WDPCP: variants seen among roughly 807,000 people sequenced by gnomAD.
WDPCP encodes WD repeat containing planar cell polarity effector.
WDPCP carries 71 observed loss-of-function variants against 93.1 expected under a neutral mutation model. The ratio of observed to expected loss-of-function variants is 0.76; its 90% confidence interval spans 0.63 to 0.93. WDPCP has a LOEUF of 0.93. Among genes scored for constraint, WDPCP ranks in the 40% least tolerant of loss-of-function variants. The pLI, the probability that WDPCP is intolerant of heterozygous loss-of-function variation, is 0.00. For missense variants in WDPCP, 844 were observed against 887.4 expected (o/e 0.95, Z 0.62); for synonymous variants, 315 against 315.0 (o/e 1.00, Z 0.00).
intron 3 of WDPCP, among the ~76,000 whole-genome samples, chr2:63,615,781 C>G (rs1212518930): frequency 6.6e-6 from 1 of 152,282 alleles, no homozygotes; most frequent in South Asian, 2.1e-4. Context: ...CAGCCACAAC[C>G]CTTAGGATTA....
chr2:63,318,635 C>G (rs1686840759), intron 12 of WDPCP, among the ~76,000 whole-genome samples: 1 of 151,972 alleles, frequency 6.6e-6, no homozygotes, highest in Admixed American at 6.6e-5. Context: ...GAGTTGGTGG[C>G]CACTATCCTA....
chr2:63,522,297 C>T (rs964774692), intron 1 of WDPCP, among the ~76,000 whole-genome samples: 3 of 151,404 alleles, frequency 2.0e-5, no homozygotes, highest in African/African-American at 4.9e-5. Context: ...AGACTAAACA[C>T]CCACATCAAA....
At chr2:63,559,196 T>G (rs1706382000) in intron 1 of WDPCP, among the ~76,000 whole-genome samples, 1 of 152,180 alleles carries the variant, frequency 6.6e-6, no homozygotes, top group Non-Finnish European at 1.5e-5. Flanking sequence ...TCTCAATAGA[T>G]GCAGAAAAGG....
At position 63,410,641 on chromosome 2, in the gene WDPCP, G is replaced by A. The variant is rs114799551; in HGVS notation, c.826-5984C>T. 9.5e-3 allele frequency among the ~76,000 whole-genome samples: 1,442 copies of A among 152,196 alleles called. 15 individuals are homozygous for A. Among genetic ancestry groups the A allele is most frequent in the African/African-American group, 0.03 (1,230 of 41,546 alleles). On this transcript the variant is annotated intron_variant, in intron 9 of 17. Coordinates refer to ENST00000272321, the MANE Select transcript of WDPCP (RefSeq NM_015910.7). ...ACCTACCAACTACCTGATGCCTTCA[G>A]GAGACTCACTTAACACATAAGGACT... is the stretch of plus-strand genomic sequence containing the variant.
At chr2:63,232,884 C>T (rs746756393) in intron 14 of WDPCP, 10 of 181,588 alleles carry the variant, frequency 5.5e-5, no homozygotes, top group East Asian at 1.5e-4. Context: ...CCTGGTTGTA[C>T]GGGAGGAATA....
At chr2:63,224,784 A>C (rs1012386856) in intron 14 of WDPCP, among the ~76,000 whole-genome samples, 2 of 152,012 alleles carry the variant, frequency 1.3e-5, no homozygotes, top group Non-Finnish European at 2.9e-5. Flanking sequence ...CAGTGAAACT[A>C]GTCTATATGA....
chr2:63,497,400 G>C (rs1054082630), intron 1 of WDPCP, among the ~76,000 whole-genome samples: 3 of 152,158 alleles, frequency 2.0e-5, no homozygotes, highest in Non-Finnish European at 4.4e-5. Flanking sequence ...CCCAAGATCT[G>C]TGTGATTAAG....
intron 2 of WDPCP, among the ~76,000 whole-genome samples, 167 bp from the exon 3 acceptor site, chr2:63,487,661 C>A (rs1700648032): frequency 6.6e-6 from 1 of 151,970 alleles, no homozygotes; most frequent in Non-Finnish European, 1.5e-5. Context: ...TTCGTCTATT[C>A]TAGGGATATG....
intron 2 of WDPCP, among the ~76,000 whole-genome samples, chr2:63,487,790 T>C (rs1035053981): frequency 2.6e-5 from 4 of 152,042 alleles, no homozygotes; most frequent in Non-Finnish European, 4.4e-5. Flanking sequence ...CTTTCACACA[T>C]CCTCTGATAT....
At chr2:63,521,028 C>G (rs1394499667) in intron 1 of WDPCP, among the ~76,000 whole-genome samples, 1 of 152,154 alleles carries the variant, frequency 6.6e-6, no homozygotes, top group Non-Finnish European at 1.5e-5. Flanking sequence ...TTTTGTTACC[C>G]CCAGACCTGC....
chr2:63,546,205 C>T (rs201056080), intron 1 of WDPCP, among the ~76,000 whole-genome samples: 107 of 152,194 alleles, frequency 7.0e-4, no homozygotes, highest in Non-Finnish European at 1.2e-3. Context: ...ATTACTGTTC[C>T]GCCTAAAGAA....
chr2:63,734,906 C>CAGACAGACAGAT (rs1553453384), intron 2 of WDPCP, among the ~76,000 whole-genome samples: 39 of 147,994 alleles, frequency 2.6e-4, no homozygotes, highest in Non-Finnish European at 3.4e-4. Flanking sequence ...GACAGACAGA[C>CAGACAGACAGAT]AGATAGATAG....
chr2:63,182,414 T>G lies in WDPCP; in HGVS notation c.1916-7582A>C, dbSNP rs186065105. On this transcript the variant is annotated intron_variant, in intron 14 of 17. Transcript: ENST00000272321. ...TCTATTGAGATATTTATATAGTTTG[T>G]TTTTAATTCTCCTTATGTAATGAAT... Among the ~76,000 whole-genome samples the G allele has an allele frequency of 3.5e-3, 528 of 152,230 alleles. 3 individuals carry two copies. The highest frequency in any genetic ancestry group is 0.023 in the South Asian group (109 of 4,828).
intron 9 of WDPCP, among the ~76,000 whole-genome samples, chr2:63,421,782 A>T (rs1695883607): frequency 6.6e-6 from 1 of 152,196 alleles, no homozygotes; most frequent in African/African-American, 2.4e-5. Flanking sequence ...AAAGAAAGAG[A>T]ACATTACATG....
At chr2:63,822,840 G>C (rs1452586460) in intron 1 of WDPCP, among the ~76,000 whole-genome samples, 1 of 151,576 alleles carries the variant, frequency 6.6e-6, no homozygotes, top group African/African-American at 2.4e-5. Context: ...AACAGAGTGA[G>C]ACCTTGTCTC....
intron 2 of WDPCP, among the ~76,000 whole-genome samples, chr2:63,712,124 C>T (rs1413002768): frequency 6.6e-6 from 1 of 152,162 alleles, no homozygotes; most frequent in East Asian, 1.9e-4. Flanking sequence ...AACCAAGTCT[C>T]ATTAGTCATA....
chr2:63,693,115 G>T (rs1327357072), intron 2 of WDPCP, among the ~76,000 whole-genome samples: 7 of 152,148 alleles, frequency 4.6e-5, no homozygotes, highest in Admixed American at 1.3e-4. Flanking sequence ...TGGTGGTTTA[G>T]CTCCAATTCC....
At chr2:63,313,872 A>AGGTGTGTG (rs1686388727) in intron 12 of WDPCP, among the ~76,000 whole-genome samples, 2 of 101,604 alleles carry the variant, frequency 2.0e-5, no homozygotes, top group East Asian at 2.8e-4. Context: ...ATATATATAT[A>AGGTGTGTG]TATATATATA....
At chr2:63,228,158 T>G (rs189689512) in intron 14 of WDPCP, among the ~76,000 whole-genome samples, 2 of 152,098 alleles carry the variant, frequency 1.3e-5, no homozygotes, top group African/African-American at 4.8e-5. Context: ...TTGCTGGAGG[T>G]CATGTACATC....
Sources: allele counts gnomAD v4.1 joint callset (sites outside exome capture counted in the v4.1 genomes callset), GRCh38; gene constraint gnomAD v4.1.1; transcripts MANE v1.5; gene names NCBI Gene and HGNC (gene_info 2026-07-23, HGNC 2026-07-21).